Variants in LRRD1 observed in about 807,000 individuals in gnomAD.
LRRD1 encodes leucine-rich repeat and death domain-containing protein 1.
Under a neutral mutation model 69.5 loss-of-function variants are expected in LRRD1, and 49 were observed. The ratio of observed to expected loss-of-function variants is 0.70; its 90% CI spans 0.56 to 0.89. The LOEUF is 0.89. Among genes scored for constraint, LRRD1 ranks in the 40% least tolerant of loss-of-function variants. The probability of loss-of-function intolerance (pLI) is 0.00; values close to 1 mark genes in which losing one functional copy is unlikely to be tolerated. For missense variants in LRRD1, 853 were observed against 956.0 expected, an observed-to-expected ratio of 0.89 and a Z score of 1.42; for synonymous variants, 303 against 338.9, an observed-to-expected ratio of 0.89 and a Z score of 1.16.
At chr7:92,167,415 T>A (rs1172751128) in intron 1 of LRRD1, among the ~76,000 whole-genome samples, 1 of 151,606 alleles carries the variant, frequency 6.6e-6, no homozygotes, top group African/African-American at 2.4e-5. Context: ...TGCACTATGA[T>A]TATGAAAAAT....
chr7:92,154,841 C>T (rs1278403642), intron 3 of LRRD1, among the ~76,000 whole-genome samples: 2 of 152,084 alleles, frequency 1.3e-5, no homozygotes, highest in Admixed American at 6.6e-5. Flanking sequence ...TTCCAAGACC[C>T]CCCAGCTGAT....
chr7:92,152,060 T>G (rs1025498576), intron 3 of LRRD1, among the ~76,000 whole-genome samples: 4 of 149,868 alleles, frequency 2.7e-5, no homozygotes, highest in African/African-American at 9.7e-5. Context: ...ATATTATTTA[T>G]AAATATAGTT....
Position 92,163,709 on chromosome 7 carries a change from A to G in LRRD1, c.1494T>C (p.Tyr498=), listed in dbSNP as rs1257964844. ...ATATATCCACAGGTATTTCTGAAAT[A>G]TAATTTCCATTAACACTCAAATAAT... ...SLYYLSVNGN[Y]ISEIPVDISF... is the part of the protein sequence containing the mutation. Residue 498 remains tyrosine, a synonymous_variant, in exon 2 of 6, where the codon TAT becomes TAC. Coordinates refer to ENST00000458448, the MANE Select transcript of LRRD1 (RefSeq NM_001161528.2). 7.3e-6 allele frequency: 11 copies of G among 1,501,950 alleles called. No homozygotes were observed. Among genetic ancestry groups the G allele is most frequent in the Non-Finnish European group, 9.7e-6 (11 of 1,128,398 alleles). The allele number at this position is 1,501,950 out of a possible 1,614,324, so 93.0% of individuals were successfully genotyped here. A position where few individuals can be genotyped will look rare whatever the true frequency, so the allele number is the denominator to read the frequency against.
At chr7:92,154,494 C>G (rs1167019520) in intron 3 of LRRD1, among the ~76,000 whole-genome samples, 1 of 152,108 alleles carries the variant, frequency 6.6e-6, no homozygotes, top group African/African-American at 2.4e-5. Flanking sequence ...ATCCTCACAT[C>G]TCAGCCTCCC....
chr7:92,169,461 G>A (rs1789000945), intron 1 of LRRD1, among the ~76,000 whole-genome samples: 1 of 151,764 alleles, frequency 6.6e-6, no homozygotes, highest in Non-Finnish European at 1.5e-5. Context: ...GATCAGCCTG[G>A]TCAAGATGGT....
chr7:92,174,395 C>G lies in LRRD1; in HGVS notation c.-75+4612G>C, dbSNP rs191048101. Among the ~76,000 whole-genome samples the G allele has an allele frequency of 4.0e-3, 557 of 137,798 alleles. 1 individual carries two copies. Among genetic ancestry groups the G allele is most frequent in the Non-Finnish European group, 6.4e-3 (423 of 65,902 alleles). The allele number at this position is 137,798 out of a possible 152,430, so 90.4% of individuals were successfully genotyped here. On this transcript the variant is annotated intron_variant, in intron 1 of 5. Transcript: ENST00000458448. ...GCTATCACAGCTTCACTGATTTGAT[C>G]TTTACAAATTACATGATTGTATTAA...
intron 3 of LRRD1, among the ~76,000 whole-genome samples, chr7:92,154,039 T>C (rs1788592316): frequency 6.6e-6 from 1 of 151,884 alleles, no homozygotes; most frequent in Admixed American, 6.6e-5. Flanking sequence ...GGTTTCACCA[T>C]GTTGGCTAGG....
intron 3 of LRRD1, among the ~76,000 whole-genome samples, chr7:92,153,763 A>G (rs1264210091): frequency 6.6e-6 from 1 of 151,748 alleles, no homozygotes; most frequent in Non-Finnish European, 1.5e-5. Context: ...CAGAAGCTGC[A>G]GTGAGCCTAG....
intron 1 of LRRD1, among the ~76,000 whole-genome samples, chr7:92,176,515 T>C (rs1426890103): frequency 1.3e-5 from 2 of 152,124 alleles, no homozygotes; most frequent in Admixed American, 6.6e-5. Context: ...GCTATCTTTG[T>C]CTTGTTCCTT....
intron 3 of LRRD1, among the ~76,000 whole-genome samples, chr7:92,153,141 C>T (rs1788556132): frequency 1.3e-5 from 2 of 151,958 alleles, no homozygotes. Flanking sequence ...TTCAGCTCAC[C>T]TCAGCCTCTG....
chr7:92,149,791 G>C, intron 4 of LRRD1: 1 of 307,452 alleles, frequency 3.3e-6, no homozygotes, highest in Non-Finnish European at 7.0e-6. Context: ...GAGCTCAAGT[G>C]ATTGTCCTGC....
chr7:92,170,843 A>G (rs567150591), intron 1 of LRRD1, among the ~76,000 whole-genome samples: 1 of 152,314 alleles, frequency 6.6e-6, no homozygotes, highest in East Asian at 1.9e-4. Flanking sequence ...CACTAACATC[A>G]AGTATGTTTT....
intron 2 of LRRD1, among the ~76,000 whole-genome samples, chr7:92,160,884 A>G (rs989532909): frequency 6.6e-6 from 1 of 152,162 alleles, no homozygotes; most frequent in African/African-American, 2.4e-5. Flanking sequence ...CAAGATAAAT[A>G]TCATGAATAA....
chr7:92,152,960 G>A (rs11976412), intron 3 of LRRD1, among the ~76,000 whole-genome samples: 51,589 of 152,028 alleles, frequency 0.34, 9,263 homozygotes, highest in Middle Eastern at 0.39. Flanking sequence ...GAGCCACCGC[G>A]CCCAGCCTAA....
Position 92,166,435 on chromosome 7 carries a change from T to G in LRRD1, c.-74-1159A>C, listed in dbSNP as rs568011832. 2.6e-5 allele frequency among the ~76,000 whole-genome samples: 4 copies of G among 152,352 alleles called. No homozygotes were observed. The East Asian group carries it at 7.7e-4, about 29-fold the overall frequency. On this transcript the variant is annotated intron_variant, in intron 1 of 5. Transcript: ENST00000458448. ...AGAGGGAACATTTTCCAACTTGTTTTATGAGGCTAGCACTAACCTCAATGT... is the reference window on the plus strand; with the variant it reads ...AGAGGGAACATTTTCCAACTTGTTTGATGAGGCTAGCACTAACCTCAATGT...
At chr7:92,161,284 T>C (rs1471454023) in intron 2 of LRRD1, among the ~76,000 whole-genome samples, 1 of 152,270 alleles carries the variant, frequency 6.6e-6, no homozygotes, top group East Asian at 1.9e-4. Flanking sequence ...AAGGGGGTTA[T>C]CAAGTGATAT....
chr7:92,156,600 G>A (rs1788663162), intron 3 of LRRD1, among the ~76,000 whole-genome samples: 1 of 152,130 alleles, frequency 6.6e-6, no homozygotes, highest in Non-Finnish European at 1.5e-5. Context: ...TTTCTTGCTA[G>A]TCTGTAGACA....
intron 3 of LRRD1, among the ~76,000 whole-genome samples, chr7:92,158,405 G>GTGTATATA (rs1244230776): frequency 2.0e-5 from 3 of 152,016 alleles, no homozygotes; most frequent in East Asian, 1.9e-4. Context: ...GTGTATATAT[G>GTGTATATA]TGTATATATG....
downstream of LRRD1, chr7:92,142,320 G>GGTGAAAA (rs1820173357): frequency 2.6e-6 from 1 of 381,522 alleles, no homozygotes; most frequent in African/African-American, 2.1e-5. Context: ...TCCTTAAGTG[G>GGTGAAAA]GTGAAAAGTA....
Sources: gnomAD v4.1 joint callset for allele counts (sites outside exome capture counted in the v4.1 genomes callset) on GRCh38, gnomAD v4.1.1 for gene constraint, MANE v1.5 for transcripts, NCBI Gene and HGNC (gene_info 2026-07-23, HGNC 2026-07-21) for gene names.